Variants in BUD23 observed in about 807,000 individuals in gnomAD.
BUD23 encodes 18S rRNA (guanine-N(7))-methyltransferase.
In BUD23, 34 loss-of-function variants were observed where a neutral mutation model predicts 47.0. The observed-to-expected ratio is 0.72, with a 90% CI of 0.55 to 0.96. BUD23 has a LOEUF of 0.96. BUD23 is among the 40% of genes least tolerant of loss of function. The probability of loss-of-function intolerance (pLI) is 0.00; values close to 1 mark genes in which losing one functional copy is unlikely to be tolerated. For missense variants in BUD23, 343 were observed against 361.2 expected, an observed-to-expected ratio of 0.95 and a Z score of 0.41; for synonymous variants, 124 against 132.0, an observed-to-expected ratio of 0.94 and a Z score of 0.41.
chr7:73,688,280 A>C (rs1206209314), intron 5 of BUD23, among the ~76,000 whole-genome samples: 1 of 151,228 alleles, frequency 6.6e-6, no homozygotes, highest in Non-Finnish European at 1.5e-5. Context: ...TGAACCCGAG[A>C]GGCGGAGGTT....
At chr7:73,695,833 C>T (rs1554614773) in intron 10 of BUD23, 1 of 152,174 alleles carries the variant, frequency 6.6e-6, no homozygotes, top group African/African-American at 2.4e-5. Context: ...TGTATCTTGT[C>T]ATTGCTCTTT....
At chr7:73,684,617 A>AAAGGGGG (rs1554612517) in intron 2 of BUD23, among the ~76,000 whole-genome samples, 1 of 86,582 alleles carries the variant, frequency 1.2e-5, no homozygotes, top group Non-Finnish European at 2.2e-5. Context: ...AAAAAAAAAA[A>AAAGGGGG]GGGGGGGGGA....
intron 2 of BUD23, 44 bp from the exon 3 acceptor site, chr7:73,686,592 C>T (rs782475673): frequency 3.2e-6 from 5 of 1,569,610 alleles, no homozygotes; most frequent in South Asian, 1.1e-5. Context: ...AAGTATTCAC[C>T]CAGAACTCCT....
chr7:73,684,010 A>G, intron 2 of BUD23: 1 of 1,441,174 alleles, frequency 6.9e-7, no homozygotes, highest in South Asian at 1.5e-5. Context: ...GGTAGGGGTG[A>G]TCGCGCTTGC....
In BUD23 at chr7:73,691,007, G is replaced by T; in HGVS notation, c.454G>T (p.Val152Phe). ...CTGCTTTTTTGCTTCTCTTTTTTCT[G>T]TTCTCGTGAGTATAAGATCTTCTCC... ...LYCFFASLFS[V>F]LVRGSRAVLQ... Residue 152 changes from valine (V) to phenylalanine (F), a missense_variant, in exon 6 of 12, where the codon GTT becomes TTT. Coordinates refer to ENST00000265758, the MANE Select transcript of BUD23 (RefSeq NM_017528.5). The T allele has an allele frequency of 1.2e-6, 2 of 1,613,922 alleles. No individual in the cohort carries two copies. Among genetic ancestry groups the T allele is most frequent in the Non-Finnish European group, 8.5e-7 (1 of 1,179,890 alleles).
chr7:73,683,869 T>C (rs1554612266), intron 2 of BUD23, 65 bp downstream of exon 2: 11 of 1,613,758 alleles, frequency 6.8e-6, no homozygotes, highest in Non-Finnish European at 8.5e-6. Flanking sequence ...CCCCTGTTGC[T>C]GGCGTTGCCC....
chr7:73,683,645 G>T lies in BUD23; in HGVS notation c.20G>T (p.Arg7Leu), dbSNP rs781881214. ...GTGAGAATGGCGTCCCGCGGCCGGC[G>T]TCCGGAGCATGGCGGACCCCCAGAG... Reference protein sequence around the residue: MASRGRRPEHGGPPELF... With the variant: MASRGRLPEHGGPPELF... Residue 7 changes from arginine to leucine, a missense_variant, in exon 1 of 12, where the codon CGT becomes CTT. Transcript: ENST00000265758. The T allele has an allele frequency of 1.9e-6, 3 of 1,612,430 alleles. No individual in the cohort carries two copies. The highest frequency in any genetic ancestry group is 2.2e-5 in the East Asian group (1 of 44,846).
chr7:73,691,037 C>T, intron 6 of BUD23, 25 bp downstream of exon 6: 1 of 1,599,518 alleles, frequency 6.3e-7, no homozygotes, highest in Non-Finnish European at 8.6e-7. Flanking sequence ...TTCTCCCCAT[C>T]TGGGTTAGCT....
At chr7:73,694,317 T>C in intron 10 of BUD23, 1 of 408,194 alleles carries the variant, frequency 2.4e-6, no homozygotes, top group South Asian at 4.2e-5. Flanking sequence ...TGGCAGGCTG[T>C]CTCCTTCTTT....
intron 10 of BUD23, chr7:73,697,289 A>T: frequency 1.5e-6 from 1 of 664,416 alleles, no homozygotes; most frequent in Non-Finnish European, 2.6e-6. Flanking sequence ...GCATTGGTAG[A>T]AAGCGGCCTG....
intron 2 of BUD23, 106 bp downstream of exon 2, chr7:73,683,910 A>G (rs1554612289): frequency 6.2e-7 from 1 of 1,607,340 alleles, no homozygotes; most frequent in Admixed American, 1.7e-5. Context: ...GGGTGCGGGA[A>G]GGGAAGGACC....
chr7:73,687,884 G>A (rs1330702544), intron 5 of BUD23, among the ~76,000 whole-genome samples: 1 of 151,554 alleles, frequency 6.6e-6, no homozygotes, highest in African/African-American at 2.4e-5. Flanking sequence ...CTACTAAAAA[G>A]CCAGACGTGG....
intron 2 of BUD23, among the ~76,000 whole-genome samples, chr7:73,685,916 C>G (rs1032947983): frequency 6.7e-6 from 1 of 149,194 alleles, no homozygotes; most frequent in Non-Finnish European, 1.5e-5. Flanking sequence ...ATGGTGAAAC[C>G]CCGTCTCTAC....
chr7:73,686,780 T>G (rs1554613075), intron 3 of BUD23, 38 bp from the exon 4 acceptor site: 34 of 1,613,990 alleles, frequency 2.1e-5, no homozygotes, highest in Non-Finnish European at 2.9e-5. Context: ...TGAAGTGTCT[T>G]TGTAAACTGA....
Position 73,687,019 on chromosome 7 carries a change from A to T in BUD23, c.286A>T (p.Ile96Leu). The change falls in exon 5 of 12, where the codon ATA becomes TTA. Residue 96 changes from isoleucine (I) to leucine (L), a missense_variant. Physicochemically the swap from Ile to Leu is conservative, Grantham distance 5 (BLOSUM62 2). Transcript: ENST00000265758. ...AMLDEAVDRE[I>L]EGDLLLGDMG... ...TGTAGATGAGGCTGTGGACCGAGAG[A>T]TAGAGGGAGACCTGCTGCTGGGGGA... 6.2e-7 allele frequency: 1 copy of T among 1,614,132 alleles called. No homozygotes were observed. Among genetic ancestry groups the T allele is most frequent in the South Asian group, 1.1e-5 (1 of 91,056 alleles).
chr7:73,692,050 G>A (rs1175515701), intron 6 of BUD23, among the ~76,000 whole-genome samples: 5 of 151,984 alleles, frequency 3.3e-5, no homozygotes, highest in East Asian at 1.9e-4. Flanking sequence ...TGATGTGGCC[G>A]CTGGTCTTTC....
In BUD23 at chr7:73,694,019, G is replaced by A; in HGVS notation, c.670G>A (p.Glu224Lys). 1.2e-6 allele frequency: 2 copies of A among 1,612,576 alleles called. No individual in the cohort carries two copies. The highest frequency in any genetic ancestry group is 1.7e-6 in the Non-Finnish European group (2 of 1,179,616). ...GCTGAGTGAAAATCAGGATGAAGTTGAACCCAGGGAGTCTGTGTTCACCAA... is the reference window on the plus strand; with the variant it reads ...GCTGAGTGAAAATCAGGATGAAGTTAAACCCAGGGAGTCTGTGTTCACCAA... ...EGLSENQDEV[E>K]PRESVFTNER... The change falls in exon 10 of 12, where the codon GAA (glutamate) becomes AAA (lysine). Residue 224 changes from glutamate to lysine, a missense_variant. Coordinates refer to ENST00000265758, the MANE Select transcript of BUD23 (RefSeq NM_017528.5).
chr7:73,697,115 T>A, intron 10 of BUD23: 1 of 326,508 alleles, frequency 3.1e-6, no homozygotes, highest in Admixed American at 4.6e-5. Flanking sequence ...ACAGGGGTCT[T>A]CGGGGTTACC....
At position 73,693,339 on chromosome 7, in the gene BUD23, T is replaced by C. The variant is rs782366115; in HGVS notation, c.521T>C (p.Ile174Thr). 1.2e-6 allele frequency: 2 copies of C among 1,613,996 alleles called. No individual in the cohort carries two copies. The highest frequency in any genetic ancestry group is 1.1e-5 in the South Asian group (1 of 91,046). ...YPENSEQLEL[I>T]TTQATKAGFS... ...CCTTTCTTTCCTCAGTTGGAGCTGATCACAACCCAGGCCACAAAGGCAGGC... is the reference window on the plus strand; with the variant it reads ...CCTTTCTTTCCTCAGTTGGAGCTGACCACAACCCAGGCCACAAAGGCAGGC... Residue 174 changes from isoleucine to threonine, a missense_variant, in exon 8 of 12, where the codon ATC becomes ACC. Transcript: ENST00000265758.
Sources: allele counts gnomAD v4.1 joint callset (sites outside exome capture counted in the v4.1 genomes callset), GRCh38; gene constraint gnomAD v4.1.1; transcripts MANE v1.5; gene names NCBI Gene and HGNC (gene_info 2026-07-23, HGNC 2026-07-21).